Variants in OPHN1 observed in about 807,000 individuals in gnomAD.
OPHN1 encodes oligophrenin-1.
Under a neutral mutation model 60.7 loss-of-function variants are expected in OPHN1, and 11 were observed. That is an observed-to-expected ratio of 0.18 (90% CI 0.11 to 0.30). OPHN1 has a LOEUF of 0.30. Among genes scored for constraint, OPHN1 ranks in the 10% least tolerant of loss-of-function variants. The probability of loss-of-function intolerance (pLI) is 1.00; values close to 1 mark genes in which losing one functional copy is unlikely to be tolerated. For synonymous variants in OPHN1, 226 were observed against 222.6 expected, an observed-to-expected ratio of 1.02 and a Z score of -0.14; for missense variants, 449 against 611.0, an observed-to-expected ratio of 0.73 and a Z score of 2.80.
At position 68,096,890 on chromosome X, in the gene OPHN1, G is replaced by GT; in HGVS notation, c.1665dup (p.Leu556ThrfsTer14). The GT allele has an allele frequency of 8.3e-7, 1 of 1,210,786 alleles. No individual in the cohort carries two copies. On this transcript the variant is annotated frameshift_variant, in exon 19 of 25. Coordinates refer to ENST00000355520, the MANE Select transcript of OPHN1 (RefSeq NM_002547.3). LOFTEE classifies it high-confidence loss of function. The stretch of plus-strand genomic sequence containing the variant: ...CATACCTTGCCAAAGTGCTCGATTA[G>GT]TATTTCCACCACTATGTTCTGGAAT...
intron 3 of OPHN1, among the ~76,000 whole-genome samples, chrX:68,292,720 C>T (rs757554036): frequency 8.1e-5 from 9 of 111,321 alleles, no homozygotes; most frequent in Non-Finnish European, 1.5e-4. Context: ...GACTTCGAGT[C>T]ATGGAGAACT....
At chrX:68,228,008 C>A (rs1226985404) in intron 6 of OPHN1, among the ~76,000 whole-genome samples, 1 of 110,814 alleles carries the variant, frequency 9.0e-6, no homozygotes, top group Non-Finnish European at 1.9e-5. Context: ...TGATAGACTG[C>A]TAGCAAGACT....
At position 68,189,650 on chromosome X, in the gene OPHN1, A is replaced by G. The variant is rs2077479386; in HGVS notation, c.1276+3269T>C. Among the ~76,000 whole-genome samples, 3 of 111,451 alleles carry G rather than the reference A, an allele frequency of 2.7e-5. No homozygotes were observed. The Admixed American group carries it at 2.9e-4, about 11-fold the overall frequency. On this transcript the variant is annotated intron_variant, in intron 15 of 24. Transcript: ENST00000355520. ...TACAATGGATCCAGCACCAGTGAAG[A>G]TTCTAATCCTCACATAAAACCTATT...
chrX:68,427,061 G>A (rs1194400449), intron 2 of OPHN1, among the ~76,000 whole-genome samples: 4 of 94,257 alleles, frequency 4.2e-5, no homozygotes, highest in Admixed American at 1.3e-4. Flanking sequence ...AGACCAGCCT[G>A]GACAGCATGG....
intron 15 of OPHN1, among the ~76,000 whole-genome samples, chrX:68,128,979 A>G (rs2077183055): frequency 8.9e-6 from 1 of 112,209 alleles, no homozygotes; most frequent in Admixed American, 9.5e-5. Flanking sequence ...AAAAAATGGA[A>G]CATGGACAAT....
At chrX:68,332,178 A>G (rs1345813810) in intron 2 of OPHN1, among the ~76,000 whole-genome samples, 1 of 112,154 alleles carries the variant, frequency 8.9e-6, no homozygotes, top group Non-Finnish European at 1.9e-5. Context: ...AATAATGATG[A>G]TGATGAAAAT....
intron 2 of OPHN1, among the ~76,000 whole-genome samples, chrX:68,311,614 G>A (rs2078173656): frequency 9.0e-6 from 1 of 111,373 alleles, no homozygotes; most frequent in Admixed American, 9.6e-5. Flanking sequence ...TGTATTTTTA[G>A]TAGAGACGGG....
chrX:68,239,954 C>T (rs890862005), intron 5 of OPHN1, among the ~76,000 whole-genome samples: 1 of 111,224 alleles, frequency 9.0e-6, no homozygotes, highest in African/African-American at 3.3e-5. Context: ...GAACTACAGG[C>T]ACCAGCCACC....
chrX:68,272,584 G>A (rs1322623345), intron 5 of OPHN1, among the ~76,000 whole-genome samples: 2 of 112,058 alleles, frequency 1.8e-5, no homozygotes, highest in African/African-American at 6.5e-5. Flanking sequence ...ATATTATTCA[G>A]TACAGTTAAC....
At chrX:68,188,503 C>T (rs1369926519) in intron 15 of OPHN1, among the ~76,000 whole-genome samples, 1 of 111,898 alleles carries the variant, frequency 8.9e-6, no homozygotes, top group East Asian at 2.8e-4. Flanking sequence ...TTATGACATA[C>T]ATGTATACAT....
intron 5 of OPHN1, among the ~76,000 whole-genome samples, chrX:68,244,568 G>T (rs2077796597): frequency 1.8e-5 from 2 of 111,707 alleles, no homozygotes; most frequent in African/African-American, 6.5e-5. Flanking sequence ...AAGCAAATTT[G>T]CAACCTCAGT....
chrX:68,119,555 T>C (rs1347348806), intron 15 of OPHN1, among the ~76,000 whole-genome samples: 1 of 111,474 alleles, frequency 9.0e-6, no homozygotes, highest in African/African-American at 3.3e-5. Flanking sequence ...AAGAAAAAAC[T>C]GAACAAACAA....
At chrX:68,244,867 G>T (rs944703856) in intron 5 of OPHN1, among the ~76,000 whole-genome samples, 1 of 111,052 alleles carries the variant, frequency 9.0e-6, no homozygotes, top group South Asian at 3.8e-4. Flanking sequence ...CTCAGAAAAC[G>T]AACTGTTCCA....
intron 1 of OPHN1, 26 bp from the exon 2 acceptor site, chrX:68,433,050 G>A (rs1434765873): frequency 3.4e-6 from 4 of 1,176,048 alleles, no homozygotes; most frequent in Non-Finnish European, 4.6e-6. Flanking sequence ...AGGGGGAAAG[G>A]GGAAAGACAC....
intron 19 of OPHN1, among the ~76,000 whole-genome samples, chrX:68,090,973 A>T (rs1569209428): frequency 9.0e-6 from 1 of 111,431 alleles, no homozygotes; most frequent in Non-Finnish European, 1.9e-5. Context: ...ATGCCCACCC[A>T]CTAAAAAGGA....
intron 5 of OPHN1, among the ~76,000 whole-genome samples, chrX:68,239,466 G>T (rs918011697): frequency 2.7e-5 from 3 of 111,587 alleles, no homozygotes; most frequent in African/African-American, 9.8e-5. Flanking sequence ...TCCTCACCTA[G>T]GTCCGTGGGC....
chrX:68,258,603 T>C (rs1371973653), intron 5 of OPHN1, among the ~76,000 whole-genome samples: 1 of 109,402 alleles, frequency 9.1e-6, no homozygotes, highest in East Asian at 2.9e-4. Context: ...TCATCATTTT[T>C]TATGGCTGCA....
At chrX:68,172,939 T>C (rs1411809380) in intron 15 of OPHN1, among the ~76,000 whole-genome samples, 2 of 111,267 alleles carry the variant, frequency 1.8e-5, no homozygotes, top group African/African-American at 3.3e-5. Context: ...CCTCCAGATA[T>C]GTATCTTAGA....
chrX:68,224,909 G>A (rs1056860999), intron 6 of OPHN1, among the ~76,000 whole-genome samples: 1 of 112,166 alleles, frequency 8.9e-6, no homozygotes, highest in Non-Finnish European at 1.9e-5. Context: ...AGTGTCAGCC[G>A]AAGCAGGGCA....
Sources: gnomAD v4.1 joint callset for allele counts (sites outside exome capture counted in the v4.1 genomes callset) on GRCh38, gnomAD v4.1.1 for gene constraint, MANE v1.5 for transcripts, NCBI Gene and HGNC (gene_info 2026-07-23, HGNC 2026-07-21) for gene names.